Variants in PEX14 observed in about 807,000 individuals in gnomAD.
The protein encoded by PEX14 is peroxisomal membrane protein PEX14.
A neutral mutation model predicts 49.5 loss-of-function variants in PEX14; 15 were observed. The observed-to-expected ratio is 0.30, with a 90% CI of 0.20 to 0.47. PEX14 has a LOEUF of 0.47. Ranked by LOEUF, PEX14 falls within the 20% of genes least tolerant of loss-of-function variation. The pLI, the probability that PEX14 is intolerant of heterozygous loss-of-function variation, is 1.00. For missense variants in PEX14, 398 were observed against 494.8 expected (o/e 0.80, Z 1.86); for synonymous variants, 210 against 212.7 (o/e 0.99, Z 0.11).
intron 3 of PEX14, among the ~76,000 whole-genome samples, chr1:10,557,699 A>G (rs1639528298): frequency 6.6e-6 from 1 of 152,252 alleles, no homozygotes; most frequent in Non-Finnish European, 1.5e-5. Flanking sequence ...ATTTCAGCTT[A>G]CAGCCTCAAC....
chr1:10,525,613 C>T (rs1638448850), intron 2 of PEX14, among the ~76,000 whole-genome samples: 1 of 152,142 alleles, frequency 6.6e-6, no homozygotes, highest in Admixed American at 6.5e-5. Flanking sequence ...CCTTGTCATT[C>T]TACTGTCAAT....
intron 4 of PEX14, among the ~76,000 whole-genome samples, chr1:10,601,711 T>A (rs1030856837): frequency 4.6e-5 from 7 of 152,186 alleles, no homozygotes; most frequent in Admixed American, 1.3e-4. Context: ...TGGGGCTCCT[T>A]TCTCCTTCCT....
At chr1:10,556,437 C>T (rs914025303) in intron 3 of PEX14, among the ~76,000 whole-genome samples, 11 of 152,198 alleles carry the variant, frequency 7.2e-5, no homozygotes, top group African/African-American at 1.9e-4. Context: ...CGCACTTTGT[C>T]GGTCTCTGTG....
Position 10,617,891 on chromosome 1 carries a change from G to A in PEX14, c.299-441G>A, listed in dbSNP as rs367996016. Reference sequence around the variant, plus strand: ...CCCCTCTCCACTTCGCTGAGGCCCCGCTTGGTTCTGCTGTGGCCCCCAGCT... The same window carrying A: ...CCCCTCTCCACTTCGCTGAGGCCCCACTTGGTTCTGCTGTGGCCCCCAGCT... On this transcript the variant is annotated intron_variant, in intron 4 of 8. Transcript: ENST00000356607. Among the ~76,000 whole-genome samples the A allele has an allele frequency of 6.0e-5, 9 of 151,004 alleles. No homozygotes were observed. In the South Asian group the frequency reaches 6.3e-4, roughly 11 times the overall value.
intron 3 of PEX14, among the ~76,000 whole-genome samples, chr1:10,543,054 AAG>A (rs1353459277): frequency 1.3e-5 from 2 of 152,234 alleles, no homozygotes; most frequent in African/African-American, 2.4e-5. Flanking sequence ...TAAGAGGAAA[AAG>A]AGTAACAAAT....
intron 4 of PEX14, among the ~76,000 whole-genome samples, chr1:10,600,584 G>A (rs928581012): frequency 6.6e-6 from 1 of 151,906 alleles, no homozygotes; most frequent in Admixed American, 6.6e-5. Context: ...CGGGCGTGGT[G>A]GCACACGCCT....
At chr1:10,536,049 C>T (rs1638793306) in intron 2 of PEX14, 164 bp from the exon 3 acceptor site, 1 of 654,052 alleles carries the variant, frequency 1.5e-6, no homozygotes, top group African/African-American at 1.8e-5. Flanking sequence ...AACAACATCG[C>T]CTTTCATTTA....
At chr1:10,545,510 C>T (rs1438020369) in intron 3 of PEX14, among the ~76,000 whole-genome samples, 1 of 152,156 alleles carries the variant, frequency 6.6e-6, no homozygotes, top group Non-Finnish European at 1.5e-5. Context: ...GACAAATTTT[C>T]TAGTAATGAA....
chr1:10,560,953 T>C (rs1377009847), intron 3 of PEX14, among the ~76,000 whole-genome samples: 1 of 152,014 alleles, frequency 6.6e-6, no homozygotes, highest in Non-Finnish European at 1.5e-5. Context: ...CCTGACCTTG[T>C]GATTCGCCTG....
chr1:10,582,612 CAG>C (rs1358111091), intron 3 of PEX14, among the ~76,000 whole-genome samples: 1 of 152,150 alleles, frequency 6.6e-6, no homozygotes, highest in Non-Finnish European at 1.5e-5. Context: ...GCTGGAACAT[CAG>C]GGGTGGAAGA....
At position 10,476,448 on chromosome 1, in the gene PEX14, G is replaced by C. The variant is rs549829333; in HGVS notation, c.36+1446G>C. Reference sequence around the variant, plus strand: ...CTTGGGGTCTGGGTTTCTCTGAATTGTTTTGTGTTAGGAATGCCCACAGGC... The same window carrying C: ...CTTGGGGTCTGGGTTTCTCTGAATTCTTTTGTGTTAGGAATGCCCACAGGC... On this transcript the variant is annotated intron_variant, in intron 1 of 8. Coordinates refer to ENST00000356607, the MANE Select transcript of PEX14 (RefSeq NM_004565.3). 8.9e-4 allele frequency among the ~76,000 whole-genome samples: 135 copies of C among 152,290 alleles called. 1 individual carries two copies. The highest frequency in any genetic ancestry group is 6.2e-3 in the South Asian group (30 of 4,828).
intron 3 of PEX14, among the ~76,000 whole-genome samples, chr1:10,582,131 G>GTTAA (rs1198220184): frequency 6.6e-6 from 1 of 150,692 alleles, no homozygotes; most frequent in East Asian, 1.9e-4. Context: ...CAAGAATAAT[G>GTTAA]TTAAATGTTA....
chr1:10,595,719 C>T (rs1298279109), intron 3 of PEX14, among the ~76,000 whole-genome samples: 3 of 152,226 alleles, frequency 2.0e-5, no homozygotes. Context: ...TCAGCCATTG[C>T]TCCGTCCCTC....
In PEX14 at chr1:10,628,096, C is replaced by T. The variant is rs368252103; in HGVS notation, c.677+733C>T. Among the ~76,000 whole-genome samples the T allele has an allele frequency of 2.6e-4, 40 of 152,136 alleles. No individual in the cohort carries two copies. Among genetic ancestry groups the T allele is most frequent in the Admixed American group, 1.5e-3 (23 of 15,280 alleles). On this transcript the variant is annotated intron_variant, in intron 8 of 8. Coordinates refer to ENST00000356607, the MANE Select transcript of PEX14 (RefSeq NM_004565.3). The surrounding 1 kb of genome is among the most constrained non-coding windows in gnomAD (Gnocchi z 4.5). Reference sequence around the variant, plus strand: ...GATTACAGGCGCCCGCCACCACTCCCGGCTAATTTTTGTATTTTTAGTAGA... The same window carrying T: ...GATTACAGGCGCCCGCCACCACTCCTGGCTAATTTTTGTATTTTTAGTAGA...
rs531360808 is a variant in PEX14, at chr1:10,557,652, T to A, written c.169+21355T>A. Reference sequence around the variant, plus strand: ...TTAAAGAAAATGGACTTGTTTTCATTTTAATGTACATTGCTAACCTGTGCT... The same window carrying A: ...TTAAAGAAAATGGACTTGTTTTCATATTAATGTACATTGCTAACCTGTGCT... On this transcript the variant is annotated intron_variant, in intron 3 of 8. Transcript: ENST00000356607. Among the ~76,000 whole-genome samples the A allele has an allele frequency of 6.8e-4, 103 of 152,320 alleles. 2 individuals carry two copies. In the South Asian group the frequency reaches 0.021, roughly 31 times the overall value.
chr1:10,550,721 G>C (rs1199752923), intron 3 of PEX14, among the ~76,000 whole-genome samples: 1 of 152,160 alleles, frequency 6.6e-6, no homozygotes, highest in South Asian at 2.1e-4. Context: ...TGAGACATAT[G>C]GAAGCCCACC....
At chr1:10,580,650 A>G (rs1557856698) in intron 3 of PEX14, among the ~76,000 whole-genome samples, 1 of 152,158 alleles carries the variant, frequency 6.6e-6, no homozygotes, top group African/African-American at 2.4e-5. Flanking sequence ...ACATGGTGTA[A>G]TATTAATTCA....
At chr1:10,594,731 C>A (rs1466962669) in intron 3 of PEX14, among the ~76,000 whole-genome samples, 2 of 152,178 alleles carry the variant, frequency 1.3e-5, no homozygotes, top group African/African-American at 4.8e-5. Flanking sequence ...TCCTGAGAAA[C>A]CCTTGCACGG....
chr1:10,477,053 TG>T (rs1641207680), intron 1 of PEX14, among the ~76,000 whole-genome samples: 1 of 151,218 alleles, frequency 6.6e-6, no homozygotes, highest in East Asian at 1.9e-4. Flanking sequence ...GCTGGCAGCC[TG>T]GGGGAAAAAC....
Sources: gnomAD v4.1 joint callset for allele counts (sites outside exome capture counted in the v4.1 genomes callset) on GRCh38, gnomAD v4.1.1 for gene constraint, Gnocchi (gnomAD v3.1) non-coding constraint, MANE v1.5 for transcripts, NCBI Gene and HGNC (gene_info 2026-07-23, HGNC 2026-07-21) for gene names.